OR2C1: variants seen among roughly 807,000 people sequenced by gnomAD.
The protein encoded by OR2C1 is olfactory receptor 2C1.
For missense variants in OR2C1, 468 were observed against 388.3 expected (o/e 1.21, Z -1.73); for synonymous variants, 209 against 167.3 (o/e 1.25, Z -1.92).
At chr16:3,333,575 T>C in the OR2C1 span, among the ~76,000 whole-genome samples, 3 of 152,166 alleles carry the variant, frequency 2.0e-5, no homozygotes, top group Admixed American at 6.6e-5. Flanking sequence ...GACCTCGTGA[T>C]CCGCCCGGCT....
Position 3,356,261 on chromosome 16 carries a change from G to A in OR2C1, c.321G>A (p.Leu107=), listed in dbSNP as rs755861553. 8 of 1,613,800 alleles carry A rather than the reference G, an allele frequency of 5.0e-6. No homozygotes were observed. The highest frequency in any genetic ancestry group is 5.9e-6 in the Non-Finnish European group (7 of 1,179,988). The stretch of plus-strand genomic sequence containing the variant: ...CCCAGCTCTATGTCTTCCTTTGGCT[G>A]GGGGCCACCGAGTGCATCCTGCTGG... The part of the protein sequence containing the change: ...CITQLYVFLW[L]GATECILLVV... The change falls in exon 1 of 1, where the codon CTG becomes CTA. Residue 107 remains leucine (L), a synonymous_variant. Transcript: ENST00000304936.
the OR2C1 span, among the ~76,000 whole-genome samples, chr16:3,327,654 C>G: frequency 1.3e-5 from 2 of 150,142 alleles, no homozygotes; most frequent in African/African-American, 5.0e-5. Flanking sequence ...TAACTTGAAA[C>G]TAAGTAATCT....
chr16:3,355,847 G>T, upstream of OR2C1: 1 of 869,054 alleles, frequency 1.2e-6, no homozygotes, highest in Non-Finnish European at 1.8e-6. Flanking sequence ...GACCGTTCCT[G>T]ATGCAAATCC....
chr16:3,350,307 G>A, the OR2C1 span, among the ~76,000 whole-genome samples: 1 of 151,634 alleles, frequency 6.6e-6, no homozygotes, highest in Non-Finnish European at 1.5e-5. Flanking sequence ...CACCTGCCTC[G>A]GACTCCCAAA....
At chr16:3,338,538 C>CTTTTTTTTTTTTTTTT in the OR2C1 span, among the ~76,000 whole-genome samples, 16 of 103,284 alleles carry the variant, frequency 1.5e-4, no homozygotes, top group East Asian at 7.2e-4. Flanking sequence ...GTATAGGTAC[C>CTTTTTTTTTTTTTTTT]TTTTTTTTTT....
upstream of OR2C1, among the ~76,000 whole-genome samples, chr16:3,352,187 G>A (rs1260171711): frequency 6.6e-6 from 1 of 151,914 alleles, no homozygotes; most frequent in Non-Finnish European, 1.5e-5. Flanking sequence ...TGCAATCTTG[G>A]CTCACTGCAA....
the OR2C1 span, among the ~76,000 whole-genome samples, chr16:3,338,756 T>G: frequency 6.6e-6 from 1 of 152,044 alleles, no homozygotes; most frequent in Non-Finnish European, 1.5e-5. Context: ...CAGGATGGTC[T>G]CGATCTCCTG....
At chr16:3,357,993 A>T (rs868426705), downstream of OR2C1, among the ~76,000 whole-genome samples, 22 of 152,184 alleles carry the variant, frequency 1.4e-4, no homozygotes, top group African/African-American at 5.3e-4. Context: ...AATAATAATA[A>T]TAACAATAAT....
the OR2C1 span, among the ~76,000 whole-genome samples, chr16:3,348,025 G>T: frequency 6.6e-6 from 1 of 152,152 alleles, no homozygotes; most frequent in Non-Finnish European, 1.5e-5. Flanking sequence ...CCCTAACAAC[G>T]TAGATGTCTA....
the OR2C1 span, among the ~76,000 whole-genome samples, chr16:3,325,694 A>G: frequency 2.0e-5 from 3 of 151,420 alleles, no homozygotes; most frequent in African/African-American, 7.3e-5. Context: ...AATAAACTCT[A>G]TGGATACCTA....
rs201575088 is a variant in OR2C1, at chr16:3,356,826, G to A, written c.886G>A (p.Glu296Lys). 3 of 1,613,322 alleles carry A rather than the reference G, an allele frequency of 1.9e-6. No individual in the cohort carries two copies. The highest frequency in any genetic ancestry group is 1.7e-5 in the Admixed American group (1 of 59,942). Residue 296 changes from glutamate to lysine, a missense_variant, in exon 1 of 1, where the codon GAA (glutamate) becomes AAA (lysine). Glu to Lys is a moderately conservative substitution (Grantham distance 56). Transcript: ENST00000304936. The stretch of plus-strand genomic sequence containing the variant: ...CCTCATCTACACGCTGCGGAACATG[G>A]AAGTGAAGGGCGCACTGAGGAGGTT... ...NPLIYTLRNM[E>K]VKGALRRLLG...
At chr16:3,332,169 A>G in the OR2C1 span, among the ~76,000 whole-genome samples, 1 of 151,612 alleles carries the variant, frequency 6.6e-6, no homozygotes, top group Admixed American at 6.6e-5. Flanking sequence ...TGGCACATGT[A>G]TACATATGTA....
chr16:3,350,345 G>A, the OR2C1 span, among the ~76,000 whole-genome samples: 1 of 150,122 alleles, frequency 6.7e-6, no homozygotes, highest in East Asian at 2.0e-4. Flanking sequence ...GTGAGCCACC[G>A]CGCCCAGCCC....
At chr16:3,340,881 G>A in the OR2C1 span, among the ~76,000 whole-genome samples, 5,988 of 151,612 alleles carry the variant, frequency 0.039, 158 homozygotes, top group Non-Finnish European at 0.056. Flanking sequence ...TTGAATTTGG[G>A]CAGTGTGACT....
chr16:3,355,868 A>G, upstream of OR2C1: 1 of 1,115,860 alleles, frequency 9.0e-7, no homozygotes, highest in Non-Finnish European at 1.3e-6. Flanking sequence ...ACCTCATCCA[A>G]CAGCTTTTTC....
At chr16:3,354,265 G>T (rs1283077424), upstream of OR2C1, among the ~76,000 whole-genome samples, 14 of 152,106 alleles carry the variant, frequency 9.2e-5, no homozygotes. Flanking sequence ...GATTACAGGC[G>T]TGAGCCACTG....
chr16:3,325,639 A>G, the OR2C1 span, among the ~76,000 whole-genome samples: 1 of 151,684 alleles, frequency 6.6e-6, no homozygotes, highest in South Asian at 2.1e-4. Flanking sequence ...GAAGTGTCAC[A>G]AAGTAAGGCA....
the OR2C1 span, among the ~76,000 whole-genome samples, chr16:3,332,720 C>CATAT: frequency 0.24 from 35,561 of 148,628 alleles, 4,764 homozygotes; most frequent in African/African-American, 0.35. Flanking sequence ...TATTCTATTG[C>CATAT]ATATATATAT....
chr16:3,355,427 C>T (rs367833158), upstream of OR2C1, among the ~76,000 whole-genome samples: 16 of 122,846 alleles, frequency 1.3e-4, 1 homozygote, highest in East Asian at 3.5e-3. Context: ...CACTGCACTC[C>T]AGCCTGGGTG....
Sources: gnomAD v4.1 joint callset for allele counts (sites outside exome capture counted in the v4.1 genomes callset) on GRCh38, gnomAD v4.1.1 for gene constraint, MANE v1.5 for transcripts, NCBI Gene and HGNC (gene_info 2026-07-23, HGNC 2026-07-21) for gene names.